ZNF282: variants seen among roughly 807,000 people sequenced by gnomAD.
ZNF282 encodes HTLV-I U5 repressive element-binding protein 1.
ZNF282 carries 30 observed loss-of-function variants against 61.9 expected under a neutral mutation model. The ratio of observed to expected loss-of-function variants is 0.48; its 90% CI spans 0.36 to 0.66. ZNF282 has a LOEUF of 0.66. Ranked by LOEUF, ZNF282 falls within the 30% of genes least tolerant of loss-of-function variation. ZNF282 has a pLI of 0.00. For missense variants in ZNF282, 788 were observed against 941.4 expected (o/e 0.84, Z 2.13); for synonymous variants, 396 against 405.0 (o/e 0.98, Z 0.27).
intron 6 of ZNF282, 136 bp downstream of exon 6, chr7:149,212,607 G>A (rs1425515981): frequency 1.9e-5 from 13 of 678,856 alleles, no homozygotes; most frequent in Non-Finnish European, 2.9e-5. Context: ...TTGAGACGGA[G>A]TCTTGCTCTG....
chr7:149,209,081 G>A (rs1283278239), intron 4 of ZNF282, among the ~76,000 whole-genome samples: 2 of 150,100 alleles, frequency 1.3e-5, no homozygotes, highest in African/African-American at 4.9e-5. Flanking sequence ...CACTTTGAAA[G>A]GCCGAGGAGG....
chr7:149,201,871 C>T (rs1415317929), intron 2 of ZNF282, among the ~76,000 whole-genome samples: 4 of 152,212 alleles, frequency 2.6e-5, no homozygotes, highest in Non-Finnish European at 5.9e-5. Flanking sequence ...CATCCACTCC[C>T]TCCTGCTCAC....
chr7:149,219,021 C>T (rs1423431848), intron 7 of ZNF282, among the ~76,000 whole-genome samples: 2 of 152,126 alleles, frequency 1.3e-5, no homozygotes, highest in African/African-American at 4.8e-5. Context: ...TGAGCTTTGG[C>T]GTTCCGAGTT....
chr7:149,222,228 G>C (rs1158048796), intron 7 of ZNF282, among the ~76,000 whole-genome samples: 1 of 152,202 alleles, frequency 6.6e-6, no homozygotes. Context: ...GTGGTAGGTT[G>C]GGTGGCCACT....
In ZNF282 at chr7:149,200,753, G is replaced by A. The variant is rs540539532; in HGVS notation, c.585+2001G>A. Among the ~76,000 whole-genome samples the A allele has an allele frequency of 3.3e-5, 5 of 152,142 alleles. No homozygotes were observed. In the East Asian group the frequency reaches 9.7e-4, roughly 29 times the overall value. On this transcript the variant is annotated intron_variant, in intron 2 of 7. Transcript: ENST00000610704. ...TGGGATTACAGGCATCTGCCACCATGCCCACCTAATTTTTTGTATTTTTAG... is the reference window on the plus strand; with the variant it reads ...TGGGATTACAGGCATCTGCCACCATACCCACCTAATTTTTTGTATTTTTAG...
At chr7:149,208,106 A>G (rs189491434) in intron 4 of ZNF282, among the ~76,000 whole-genome samples, 66 of 152,322 alleles carry the variant, frequency 4.3e-4, no homozygotes, top group African/African-American at 1.5e-3. Flanking sequence ...TTGTTGGATT[A>G]GGTGAAATCT....
chr7:149,220,508 A>G (rs1052482578), intron 7 of ZNF282, among the ~76,000 whole-genome samples: 1 of 152,216 alleles, frequency 6.6e-6, no homozygotes, highest in Non-Finnish European at 1.5e-5. Context: ...AAGACTCAGC[A>G]TGTTTTCAAG....
intron 7 of ZNF282, 45 bp downstream of exon 7, chr7:149,213,859 C>A: frequency 6.9e-7 from 1 of 1,443,878 alleles, no homozygotes; most frequent in Non-Finnish European, 9.7e-7. Context: ...TTCTCTGGAG[C>A]TGTACAGCTG....
intron 2 of ZNF282, among the ~76,000 whole-genome samples, chr7:149,203,736 A>C (rs926277139): frequency 4.6e-5 from 7 of 152,200 alleles, no homozygotes; most frequent in African/African-American, 1.7e-4. Flanking sequence ...TTTTGAAGGA[A>C]GTGAAGTATA....
rs529738250 is a variant in ZNF282, at chr7:149,224,143, G to A, written c.1512G>A (p.Leu504=). 185 of 1,497,716 alleles carry A rather than the reference G, an allele frequency of 1.2e-4. 3 individuals are homozygous for A. In the South Asian group the frequency reaches 2.3e-3, roughly 19 times the overall value. The allele number at this position is 1,497,716 out of a possible 1,614,324, so 92.8% of individuals were successfully genotyped here. Residue 504 remains leucine (L), a synonymous_variant, in exon 8 of 8, where the codon CTG becomes CTA. Transcript: ENST00000610704. ...GTGGCAGCTGCTGCCCTGGCGGGCTGCGGCGGAGCCTCCTCCTGCACGGCG... is the reference window on the plus strand; with the variant it reads ...GTGGCAGCTGCTGCCCTGGCGGGCTACGGCGGAGCCTCCTCCTGCACGGCG... ...GGCGSCCPGG[L]RRSLLLHGAR...
rs1796370510 is a variant in ZNF282, at chr7:149,226,105, C to T, written c.*1458C>T. 1 of 152,704 alleles carries T rather than the reference C, an allele frequency of 6.5e-6. No homozygotes were observed. The highest frequency in any genetic ancestry group is 6.5e-5 in the Admixed American group (1 of 15,290). The allele number at this position is 152,704 out of a possible 1,614,324, so 9.5% of individuals were successfully genotyped here. ...CCTCGCCCTCATCTACGCTGCTCCG[C>T]TTTCCTCAGACCCCTTTTTGCCGTG... is the stretch of plus-strand genomic sequence containing the variant. On this transcript the variant is annotated 3_prime_UTR_variant, in exon 8 of 8. Transcript: ENST00000610704.
At position 149,224,140 on chromosome 7, in the gene ZNF282, G is replaced by C; in HGVS notation, c.1509G>C (p.Gly503=). 1 of 1,489,898 alleles carries C rather than the reference G, an allele frequency of 6.7e-7. No individual in the cohort carries two copies. The highest frequency in any genetic ancestry group is 8.9e-7 in the Non-Finnish European group (1 of 1,124,596). The allele number at this position is 1,489,898 out of a possible 1,614,324, so 92.3% of individuals were successfully genotyped here. A position where few individuals can be genotyped will look rare whatever the true frequency, so the allele number is the denominator to read the frequency against. The change falls in exon 8 of 8, where the codon GGG becomes GGC. Residue 503 remains glycine (G), a synonymous_variant. Coordinates refer to ENST00000610704, the MANE Select transcript of ZNF282 (RefSeq NM_003575.4). The part of the protein sequence containing the change: ...GGGCGSCCPG[G]LRRSLLLHGA... ...GCTGTGGCAGCTGCTGCCCTGGCGG[G>C]CTGCGGCGGAGCCTCCTCCTGCACG...
At position 149,198,794 on chromosome 7, in the gene ZNF282, G is replaced by T. The variant is rs775222280; in HGVS notation, c.585+42G>T. 6.5e-7 allele frequency: 1 copy of T among 1,546,874 alleles called. No individual in the cohort carries two copies. Among genetic ancestry groups the T allele is most frequent in the South Asian group, 1.2e-5 (1 of 82,056 alleles). ...GGGGCAGGGATAGAGGTGAGGAACAGCACAGGTGCATAAAATTCTTGATTT... is the reference window on the plus strand; with the variant it reads ...GGGGCAGGGATAGAGGTGAGGAACATCACAGGTGCATAAAATTCTTGATTT... On this transcript the variant is annotated intron_variant, in intron 2 of 7. Coordinates refer to ENST00000610704, the MANE Select transcript of ZNF282 (RefSeq NM_003575.4). This position sits in a 1 kb window ranked among gnomAD's most constrained non-coding sequence, Gnocchi z 4.3.
Position 149,206,681 on chromosome 7 carries a change from C to T in ZNF282, c.586-15C>T, listed in dbSNP as rs6464945. The T allele has an allele frequency of 7.9e-3, 12,758 of 1,614,002 alleles. 824 individuals are homozygous for T. The African/African-American group carries it at 0.15, about 18-fold the overall frequency. ...AACAGGCAGGAGGCGCTAGATTAAC[C>T]GCTTGTTGGCTTAGGTTCCAGTGAC... On this transcript the variant is annotated splice_polypyrimidine_tract_variant and intron_variant, in intron 2 of 7. Coordinates refer to ENST00000610704, the MANE Select transcript of ZNF282 (RefSeq NM_003575.4).
At position 149,224,095 on chromosome 7, in the gene ZNF282, G is replaced by T; in HGVS notation, c.1464G>T (p.Ala488=). Residue 488 remains alanine (A), a synonymous_variant, in exon 8 of 8, where the codon GCG becomes GCT. Coordinates refer to ENST00000610704, the MANE Select transcript of ZNF282 (RefSeq NM_003575.4). ...DGGGGGGGAE[A]GTGAGGGCGS... ...GCGGTGGGGGCGGCGGCGCGGAGGC[G>T]GGGACGGGGGCAGGCGGCGGCTGTG... 1 of 1,354,684 alleles carries T rather than the reference G, an allele frequency of 7.4e-7. No homozygotes were observed. The highest frequency in any genetic ancestry group is 9.5e-7 in the Non-Finnish European group (1 of 1,057,634). The allele number at this position is 1,354,684 out of a possible 1,614,324, so 83.9% of individuals were successfully genotyped here. A position where few individuals can be genotyped will look rare whatever the true frequency, so the allele number is the denominator to read the frequency against.
At chr7:149,213,956 A>G in intron 7 of ZNF282, 142 bp downstream of exon 7, 1 of 603,308 alleles carries the variant, frequency 1.7e-6, no homozygotes. Context: ...GTTCTGCACC[A>G]AAGCACTCCC....
chr7:149,218,071 C>T (rs191277093), intron 7 of ZNF282, among the ~76,000 whole-genome samples: 1 of 149,480 alleles, frequency 6.7e-6, no homozygotes, highest in African/African-American at 2.5e-5. Flanking sequence ...CCACTGCACT[C>T]CAGCCTGGGT....
chr7:149,207,028 A>T (rs1343473148), intron 3 of ZNF282, among the ~76,000 whole-genome samples: 1 of 152,224 alleles, frequency 6.6e-6, no homozygotes, highest in East Asian at 1.9e-4. Context: ...GCCCATTACC[A>T]TAGAACTCAA....
At chr7:149,207,303 C>A in intron 3 of ZNF282, 48 bp from the exon 4 acceptor site, 1 of 1,560,492 alleles carries the variant, frequency 6.4e-7, no homozygotes, top group Non-Finnish European at 8.7e-7. Context: ...TTGCTGGATG[C>A]GTTGGTCAAC....
Sources: gnomAD v4.1 joint callset for allele counts (sites outside exome capture counted in the v4.1 genomes callset) on GRCh38, gnomAD v4.1.1 for gene constraint, Gnocchi (gnomAD v3.1) non-coding constraint, MANE v1.5 for transcripts, NCBI Gene and HGNC (gene_info 2026-07-23, HGNC 2026-07-21) for gene names.